Variants in KDM4C observed in about 807,000 individuals in gnomAD.
The protein encoded by KDM4C is lysine demethylase 4C.
In KDM4C, 81 loss-of-function variants were observed where a neutral mutation model predicts 129.3. The ratio of observed to expected loss-of-function variants is 0.63; its 90% confidence interval spans 0.52 to 0.75. The LOEUF (loss-of-function observed/expected upper bound fraction) is 0.75, where lower values mean the gene tolerates loss of function less well. Ranked by LOEUF, KDM4C falls within the 30% of genes least tolerant of loss-of-function variation. The pLI, the probability that KDM4C is intolerant of heterozygous loss-of-function variation, is 0.00. For synonymous variants in KDM4C, 573 were observed against 456.1 expected, an observed-to-expected ratio of 1.26 and a Z score of -3.26; for missense variants, 1,457 against 1,304.0, an observed-to-expected ratio of 1.12 and a Z score of -1.81.
chr9:6,730,124 A>T (rs983228125), intron 1 of KDM4C, among the ~76,000 whole-genome samples: 1 of 151,526 alleles, frequency 6.6e-6, no homozygotes, highest in South Asian at 2.1e-4. Flanking sequence ...AAAAGAAAAA[A>T]AAAAAGGCTT....
chr9:7,052,910 T>TTGTTGTACAGTGGGGTGCTGTA (rs1554718570), intron 17 of KDM4C, among the ~76,000 whole-genome samples: 1 of 126,716 alleles, frequency 7.9e-6, no homozygotes, highest in African/African-American at 2.8e-5. Context: ...AGCGAGCGAG[T>TTGTTGTACAGTGGGGTGCTGTA]GCCCAAGGGA....
At chr9:6,869,686 C>G (rs930874301) in intron 5 of KDM4C, among the ~76,000 whole-genome samples, 1 of 152,216 alleles carries the variant, frequency 6.6e-6, no homozygotes, top group Non-Finnish European at 1.5e-5. Flanking sequence ...TGGACCATCC[C>G]TTGCATGTGG....
intron 4 of KDM4C, among the ~76,000 whole-genome samples, chr9:6,825,383 G>C (rs547905525): frequency 1.3e-5 from 2 of 152,230 alleles, no homozygotes; most frequent in East Asian, 3.9e-4. Context: ...CAACTGCTTC[G>C]GTAAGATACA....
rs996341577 is a variant in KDM4C, at chr9:7,105,657, C to T, written c.2610+1787C>T. Among the ~76,000 whole-genome samples, 4 of 152,292 alleles carry T rather than the reference C, an allele frequency of 2.6e-5. No individual in the cohort carries two copies. In the East Asian group the frequency reaches 7.7e-4, roughly 29 times the overall value. On this transcript the variant is annotated intron_variant, in intron 18 of 21. Transcript: ENST00000381309. The stretch of plus-strand genomic sequence containing the variant: ...ATTTGGTGAATTCCAAACCCCAAAC[C>T]TCAAATGGTGCTAGAGGTGTTCATC...
chr9:6,830,242 G>GAT (rs1334404849), intron 4 of KDM4C, among the ~76,000 whole-genome samples: 11 of 152,194 alleles, frequency 7.2e-5, no homozygotes, highest in African/African-American at 2.7e-4. Context: ...ACCGTGTATA[G>GAT]ATATATCTCC....
intron 8 of KDM4C, chr9:6,925,203 G>A (rs1032985354): frequency 3.0e-6 from 3 of 985,388 alleles, no homozygotes; most frequent in African/African-American, 3.5e-5. Context: ...CACTGTTGGC[G>A]ATACAGCTCA....
chr9:7,051,678 A>G (rs534867998), intron 17 of KDM4C, among the ~76,000 whole-genome samples: 2 of 152,204 alleles, frequency 1.3e-5, no homozygotes, highest in South Asian at 2.1e-4. Flanking sequence ...GTCAGTTTCA[A>G]TATTTTTTTC....
chr9:7,014,530 CAATT>C (rs1229167571), intron 14 of KDM4C, among the ~76,000 whole-genome samples: 1 of 152,082 alleles, frequency 6.6e-6, no homozygotes, highest in Non-Finnish European at 1.5e-5. Context: ...ACACCTATCT[CAATT>C]TATTATTTTT....
intron 1 of KDM4C, among the ~76,000 whole-genome samples, chr9:6,762,763 A>C (rs952058546): frequency 3.0e-4 from 45 of 150,912 alleles, no homozygotes; most frequent in African/African-American, 1.0e-3. Context: ...GGTTCAAGCG[A>C]TTCTCCTGCC....
At chr9:7,122,265 A>ACACACACACTCTCTCTCTCTCT (rs375655422) in intron 18 of KDM4C, among the ~76,000 whole-genome samples, 6 of 144,712 alleles carry the variant, frequency 4.1e-5, no homozygotes, top group African/African-American at 1.6e-4. Flanking sequence ...ACACACACAC[A>ACACACACACTCTCTCTCTCTCT]CTCTCTCTCT....
At chr9:6,952,928 AT>A (rs2131527670) in intron 8 of KDM4C, among the ~76,000 whole-genome samples, 1 of 152,196 alleles carries the variant, frequency 6.6e-6, no homozygotes, top group African/African-American at 2.4e-5. Context: ...GGGGAGGGAG[AT>A]CTAATATTTT....
chr9:6,745,649 A>T (rs1280946730), intron 1 of KDM4C, among the ~76,000 whole-genome samples: 5 of 145,784 alleles, frequency 3.4e-5, no homozygotes, highest in South Asian at 2.2e-4. Context: ...ATTTTATTTT[A>T]TTTTTTTGAG....
intron 1 of KDM4C, among the ~76,000 whole-genome samples, chr9:6,778,210 C>T (rs1358836917): frequency 6.6e-6 from 1 of 151,758 alleles, no homozygotes; most frequent in African/African-American, 2.4e-5. Flanking sequence ...CTGCCTCAAC[C>T]TTCTGAGTAG....
chr9:6,854,247 G>A (rs957206486), intron 5 of KDM4C, among the ~76,000 whole-genome samples: 2 of 151,918 alleles, frequency 1.3e-5, no homozygotes, highest in African/African-American at 4.8e-5. Context: ...AGAAACTTTC[G>A]ACTGGGTGCG....
intron 5 of KDM4C, among the ~76,000 whole-genome samples, chr9:6,870,481 G>A (rs1188242080): frequency 6.6e-6 from 1 of 152,032 alleles, no homozygotes; most frequent in Non-Finnish European, 1.5e-5. Context: ...TTCCTCATTA[G>A]TTAAATGGAG....
chr9:7,125,308 G>A (rs1839921703), intron 18 of KDM4C, among the ~76,000 whole-genome samples: 1 of 152,178 alleles, frequency 6.6e-6, no homozygotes, highest in African/African-American at 2.4e-5. Flanking sequence ...GCAAGCCCAG[G>A]AATGAGGAGT....
intron 4 of KDM4C, chr9:6,834,778 C>T (rs1273647300): frequency 4.0e-6 from 5 of 1,249,700 alleles, no homozygotes; most frequent in African/African-American, 1.5e-5. Flanking sequence ...TGACCGAGGC[C>T]CCCCTGAACC....
chr9:6,952,206 T>C (rs1361764724), intron 8 of KDM4C, among the ~76,000 whole-genome samples: 1 of 152,038 alleles, frequency 6.6e-6, no homozygotes, highest in East Asian at 1.9e-4. Context: ...GAAATAGTTA[T>C]TGGTATATGT....
chr9:6,913,112 A>G (rs1819628039), intron 8 of KDM4C, among the ~76,000 whole-genome samples: 1 of 152,244 alleles, frequency 6.6e-6, no homozygotes, highest in African/African-American at 2.4e-5. Flanking sequence ...TTAAGTAACG[A>G]TGGTTTTAGT....
Sources: gnomAD v4.1 joint callset for allele counts (sites outside exome capture counted in the v4.1 genomes callset) on GRCh38, gnomAD v4.1.1 for gene constraint, MANE v1.5 for transcripts, NCBI Gene and HGNC (gene_info 2026-07-23, HGNC 2026-07-21) for gene names.